COL14A1: variants seen among roughly 807,000 people sequenced by gnomAD.
The protein encoded by COL14A1 is collagen alpha-1(XIV) chain.
A neutral mutation model predicts 230.3 loss-of-function variants in COL14A1; 136 were observed. The ratio of observed to expected loss-of-function variants is 0.59; its 90% confidence interval spans 0.51 to 0.68. COL14A1 has a LOEUF of 0.68. COL14A1 is among the 30% of genes least tolerant of loss of function. The pLI, the probability that COL14A1 is intolerant of heterozygous loss-of-function variation, is 0.00. For missense variants in COL14A1, 1,976 were observed against 2,215.8 expected (o/e 0.89, Z 2.17); for synonymous variants, 792 against 784.1 (o/e 1.01, Z -0.17).
chr8:120,345,597 C>T (rs1303165105), intron 45 of COL14A1, 34 bp downstream of exon 45: 17 of 1,479,714 alleles, frequency 1.1e-5, no homozygotes, highest in Admixed American at 2.8e-5. Context: ...AGGAACTCCT[C>T]TGAGTTGGGT....
chr8:120,345,659 C>A, intron 45 of COL14A1, 96 bp downstream of exon 45: 1 of 1,052,238 alleles, frequency 9.5e-7, no homozygotes, highest in Non-Finnish European at 1.3e-6. Context: ...AAGTCTGAAA[C>A]AATGGACTTA....
intron 31 of COL14A1, among the ~76,000 whole-genome samples, chr8:120,282,666 T>G (rs1563715890): frequency 1.3e-5 from 2 of 152,210 alleles, no homozygotes; most frequent in Non-Finnish European, 2.9e-5. Flanking sequence ...ATTATGGGGT[T>G]CCTACTATAT....
chr8:120,288,039 T>A (rs1820259950), intron 33 of COL14A1, among the ~76,000 whole-genome samples: 2 of 145,270 alleles, frequency 1.4e-5, no homozygotes, highest in African/African-American at 2.6e-5. Context: ...AAAAAAAAAA[T>A]TAAGCATGTG....
Position 120,278,457 on chromosome 8 carries a change from A to C in COL14A1, c.3360A>C (p.Arg1120=), listed in dbSNP as rs1819923855. Residue 1120 remains arginine, a synonymous_variant, in exon 28 of 48, where the codon CGA becomes CGC. Coordinates refer to ENST00000297848, the MANE Select transcript of COL14A1 (RefSeq NM_021110.4). ...CAGGAAAAGCAATTAAGTATGTTCG[A>C]GATACCTTGTTCACTGCAGAGTCAG... The part of the protein sequence containing the change: ...TKTGKAIKYV[R]DTLFTAESGT... 6.2e-7 allele frequency: 1 copy of C among 1,612,528 alleles called. No individual in the cohort carries two copies. The highest frequency in any genetic ancestry group is 1.3e-5 in the African/African-American group (1 of 74,860).
At position 120,262,796 on chromosome 8, in the gene COL14A1, A is replaced by G. The variant is rs1819380170; in HGVS notation, c.2870-72A>G. ...AACATGTGAAGTATTTTAGAAGCAA[A>G]TCATCTGCCAATGGCTGTGTTTCAA... On this transcript the variant is annotated intron_variant, in intron 23 of 47. Coordinates refer to ENST00000297848, the MANE Select transcript of COL14A1 (RefSeq NM_021110.4). The G allele has an allele frequency of 1.1e-5, 17 of 1,479,848 alleles. No individual in the cohort carries two copies. In the South Asian group the frequency reaches 2.3e-4, roughly 20 times the overall value. 91.7% of individuals were successfully genotyped at this position (1,479,848 alleles called of 1,614,324 possible).
chr8:120,209,967 T>C, intron 12 of COL14A1, 66 bp downstream of exon 12: 1 of 1,213,294 alleles, frequency 8.2e-7, no homozygotes, highest in Non-Finnish European at 1.1e-6. Context: ...AAAATTTTTA[T>C]TGTAAAAATT....
chr8:120,152,325 T>C (rs1306285967), intron 2 of COL14A1, among the ~76,000 whole-genome samples: 3 of 151,006 alleles, frequency 2.0e-5, no homozygotes, highest in Non-Finnish European at 3.0e-5. Context: ...TAGCCGGGCG[T>C]GGTGGCGGGC....
At chr8:120,301,482 C>T (rs1278477409) in intron 36 of COL14A1, among the ~76,000 whole-genome samples, 2 of 151,998 alleles carry the variant, frequency 1.3e-5, no homozygotes, top group Non-Finnish European at 2.9e-5. Context: ...GTGTTAGTTT[C>T]CTAAGGATAA....
intron 5 of COL14A1, among the ~76,000 whole-genome samples, chr8:120,175,074 A>G (rs1332662695): frequency 5.3e-5 from 8 of 152,212 alleles, no homozygotes; most frequent in African/African-American, 1.9e-4. Flanking sequence ...ATACAATCAG[A>G]CGTATTATAC....
chr8:120,261,941 T>C (rs144110560), intron 23 of COL14A1, among the ~76,000 whole-genome samples: 243 of 152,242 alleles, frequency 1.6e-3, no homozygotes, highest in African/African-American at 5.6e-3. Flanking sequence ...GGGTGAGGAC[T>C]CCTTGGTGGT....
chr8:120,281,363 A>G (rs1465744763), intron 31 of COL14A1, among the ~76,000 whole-genome samples: 2 of 151,956 alleles, frequency 1.3e-5, no homozygotes, highest in Non-Finnish European at 2.9e-5. Context: ...AAAGTTTGAG[A>G]GCAGCCTGGG....
chr8:120,328,379 C>A lies in COL14A1; in HGVS notation c.4660-3762C>A, dbSNP rs1056375693. ...GGGACTACAGGCACAAGCCACCAGG[C>A]AGAGCAATTTTTTTTTAATTTTTTT... On this transcript the variant is annotated intron_variant, in intron 40 of 47. Transcript: ENST00000297848. Among the ~76,000 whole-genome samples, 4 of 147,736 alleles carry A rather than the reference C, an allele frequency of 2.7e-5. 1 individual carries two copies. In the Admixed American group the frequency reaches 2.8e-4, roughly 10 times the overall value.
At chr8:120,306,806 A>G (rs1228214474) in intron 36 of COL14A1, among the ~76,000 whole-genome samples, 1 of 152,200 alleles carries the variant, frequency 6.6e-6, no homozygotes, top group African/African-American at 2.4e-5. Flanking sequence ...AGTCTTGATT[A>G]TTATTATTTG....
Position 120,283,798 on chromosome 8 carries a change from T to G in COL14A1, c.3967+20T>G. On this transcript the variant is annotated intron_variant, in intron 32 of 47. Coordinates refer to ENST00000297848, the MANE Select transcript of COL14A1 (RefSeq NM_021110.4). The stretch of plus-strand genomic sequence containing the variant: ...TAGACAGTAAGTATATTTATTGAGA[T>G]CACATTCACATATACATGTATGAGT... 6.3e-7 allele frequency: 1 copy of G among 1,596,980 alleles called. No individual in the cohort carries two copies. Among genetic ancestry groups the G allele is most frequent in the Non-Finnish European group, 8.5e-7 (1 of 1,172,100 alleles).
At chr8:120,202,299 C>T (rs899134766) in intron 8 of COL14A1, among the ~76,000 whole-genome samples, 1 of 152,162 alleles carries the variant, frequency 6.6e-6, no homozygotes, top group African/African-American at 2.4e-5. Flanking sequence ...TATTTATTAA[C>T]CTGCAACCTC....
At chr8:120,184,116 A>G (rs1260640114) in intron 5 of COL14A1, among the ~76,000 whole-genome samples, 9 of 152,128 alleles carry the variant, frequency 5.9e-5, no homozygotes, top group Non-Finnish European at 8.8e-5. Flanking sequence ...GATGAAAGCT[A>G]TCACTAAGTG....
At chr8:120,201,371 C>T (rs1446297070) in intron 8 of COL14A1, among the ~76,000 whole-genome samples, 1 of 152,070 alleles carries the variant, frequency 6.6e-6, no homozygotes, top group African/African-American at 2.4e-5. Context: ...CAATTGTGCA[C>T]ACCTTTTCCC....
chr8:120,247,584 C>A, intron 20 of COL14A1, 29 bp from the exon 21 acceptor site: 2 of 1,598,830 alleles, frequency 1.3e-6, no homozygotes, highest in Non-Finnish European at 1.7e-6. Context: ...TACACTGAAT[C>A]CCTGTTTTTC....
At chr8:120,300,555 AC>A (rs1448483951) in intron 35 of COL14A1, among the ~76,000 whole-genome samples, 176 bp from the exon 36 acceptor site, 2 of 152,150 alleles carry the variant, frequency 1.3e-5, no homozygotes, top group African/African-American at 4.8e-5. Context: ...ACTAGGAGGT[AC>A]CCATTCATTT....
Sources: allele counts gnomAD v4.1 joint callset (sites outside exome capture counted in the v4.1 genomes callset), GRCh38; gene constraint gnomAD v4.1.1; transcripts MANE v1.5; gene names NCBI Gene and HGNC (gene_info 2026-07-23, HGNC 2026-07-21).